ANKLE2: variants seen among roughly 807,000 people sequenced by gnomAD.
ANKLE2 encodes ankyrin repeat and LEM domain-containing protein 2.
In ANKLE2, 55 loss-of-function variants were observed where a neutral mutation model predicts 84.2. The ratio of observed to expected loss-of-function variants is 0.65; its 90% CI spans 0.53 to 0.82. ANKLE2 has a LOEUF of 0.82. ANKLE2 is among the 40% of genes least tolerant of loss of function. The probability of loss-of-function intolerance (pLI) is 0.00; values close to 1 mark genes in which losing one functional copy is unlikely to be tolerated. For synonymous variants in ANKLE2, 551 were observed against 486.1 expected (o/e 1.13, Z -1.76); for missense variants, 1,238 against 1,201.9 (o/e 1.03, Z -0.44).
At position 132,727,355 on chromosome 12, in the gene ANKLE2, C is replaced by G; in HGVS notation, c.2704G>C (p.Val902Leu). 1 of 1,561,792 alleles carries G rather than the reference C, an allele frequency of 6.4e-7. No individual in the cohort carries two copies. Among genetic ancestry groups the G allele is most frequent in the South Asian group, 1.2e-5 (1 of 84,746 alleles). ...PHSYSPGRNS[V>L]AGSNPAKPGL... The stretch of plus-strand genomic sequence containing the variant: ...GGCTTTGCGGGGTTGCTTCCAGCCA[C>G]GCTGTTTCTCCCCGGACTGTAGCTG... Residue 902 changes from valine to leucine, a missense_variant, in exon 13 of 13, where the codon GTG becomes CTG. Physicochemically the swap from Val to Leu is conservative, Grantham distance 32. This residue lies in a region of ANKLE2 where 802 missense variants were observed against 774.5 expected (regional missense o/e 1.04). Coordinates refer to ENST00000357997, the MANE Select transcript of ANKLE2 (RefSeq NM_015114.3).
At chr12:132,749,464 G>A (rs2136163905) in intron 3 of ANKLE2, among the ~76,000 whole-genome samples, 1 of 152,310 alleles carries the variant, frequency 6.6e-6, no homozygotes, top group Middle Eastern at 3.4e-3. Flanking sequence ...CCTGATTTCT[G>A]TCTTAAGGTG....
At chr12:132,729,235 C>T (rs1000121981) in intron 11 of ANKLE2, among the ~76,000 whole-genome samples, 2 of 146,998 alleles carry the variant, frequency 1.4e-5, no homozygotes, top group African/African-American at 5.1e-5. Flanking sequence ...CCTGTAATCC[C>T]AGCTACTCAG....
chr12:132,759,965 C>G (rs1404122368), intron 1 of ANKLE2: 1 of 152,060 alleles, frequency 6.6e-6, no homozygotes, highest in Non-Finnish European at 1.5e-5. Flanking sequence ...GAAACCCCGT[C>G]TCTATTAAAA....
chr12:132,739,973 C>T (rs1031296610), intron 7 of ANKLE2, among the ~76,000 whole-genome samples: 2 of 152,250 alleles, frequency 1.3e-5, no homozygotes, highest in African/African-American at 4.8e-5. Flanking sequence ...TTAGAGGCGA[C>T]AGTGTTTTAC....
intron 7 of ANKLE2, among the ~76,000 whole-genome samples, chr12:132,740,983 A>G (rs1359817358): frequency 6.6e-6 from 1 of 152,136 alleles, no homozygotes; most frequent in Non-Finnish European, 1.5e-5. Flanking sequence ...ACCCCAACAC[A>G]GGCAAAGAGA....
At position 132,743,521 on chromosome 12, in the gene ANKLE2, T is replaced by A. The variant is rs554916288; in HGVS notation, c.1231-245A>T. Among the ~76,000 whole-genome samples the A allele has an allele frequency of 4.4e-4, 67 of 151,156 alleles. No individual in the cohort carries two copies. Among genetic ancestry groups the A allele is most frequent in the African/African-American group, 1.4e-3 (56 of 41,216 alleles). Reference sequence around the variant, plus strand: ...CACCCAGCTATTTTTTTTTTTTTTTTAATATTTAGTAGAGATGGGGTTTCA... The same window carrying A: ...CACCCAGCTATTTTTTTTTTTTTTTAAATATTTAGTAGAGATGGGGTTTCA... On this transcript the variant is annotated intron_variant, in intron 5 of 12. Transcript: ENST00000357997. This position sits in a 1 kb window ranked among gnomAD's most constrained non-coding sequence, Gnocchi z 4.1.
At position 132,754,941 on chromosome 12, in the gene ANKLE2, G is replaced by C; in HGVS notation, c.374C>G (p.Ala125Gly). 1 of 1,614,210 alleles carries C rather than the reference G, an allele frequency of 6.2e-7. No individual in the cohort carries two copies. Among genetic ancestry groups the C allele is most frequent in the Non-Finnish European group, 8.5e-7 (1 of 1,180,044 alleles). The part of the protein sequence containing the change: ...GRLSSFYHHE[A>G]GVTALSQDPQ... ...GTCCTGGCTGAGAGCTGTGACACCT[G>C]CCTCATGGTGGTAGAAAGAAGACAG... Residue 125 changes from alanine (A) to glycine (G), a missense_variant, in exon 2 of 13, where the codon GCA (alanine) becomes GGA (glycine). Around this residue, in one of 3 missense-constraint regions of ANKLE2, gnomAD observed 422 missense variants for 394.5 expected, o/e 1.07. Transcript: ENST00000357997.
In ANKLE2 at chr12:132,730,242, A is replaced by G. The variant is rs1337324731; in HGVS notation, c.1920T>C (p.Phe640=). 4 of 1,573,600 alleles carry G rather than the reference A, an allele frequency of 2.5e-6. No individual in the cohort carries two copies. Among genetic ancestry groups the G allele is most frequent in the South Asian group, 1.2e-5 (1 of 86,658 alleles). ...SGSNSISVRA[F]LDEDDMSLEE... ...CCAAGCTCATGTCATCTTCATCTAG[A>G]AACGCCCTCACGGAAATGGAATTGC... Residue 640 remains phenylalanine (F), a synonymous_variant, in exon 11 of 13, where the codon TTT becomes TTC. Coordinates refer to ENST00000357997, the MANE Select transcript of ANKLE2 (RefSeq NM_015114.3).
chr12:132,727,317 A>C lies in ANKLE2; in HGVS notation c.2742T>G (p.Ser914Arg), dbSNP rs1194179492. 1 of 1,563,692 alleles carries C rather than the reference A, an allele frequency of 6.4e-7. No individual in the cohort carries two copies. Among genetic ancestry groups the C allele is most frequent in the Non-Finnish European group, 8.7e-7 (1 of 1,154,572 alleles). The change falls in exon 13 of 13, where the codon AGT (serine) becomes AGG (arginine). Residue 914 changes from serine (S) to arginine (R), a missense_variant. Ser to Arg is a moderately radical substitution (Grantham distance 110). Around this residue, in one of 3 missense-constraint regions of ANKLE2, gnomAD observed 802 missense variants for 774.5 expected, o/e 1.04. Coordinates refer to ENST00000357997, the MANE Select transcript of ANKLE2 (RefSeq NM_015114.3). ...CGTGCACGGGGCTGTAGCGCCCAGG[A>C]CTGCCCAGGCCTGGCTTTGCGGGGT... Reference protein sequence around the residue: ...GSNPAKPGLGSPGRYSPVHGS... With the variant: ...GSNPAKPGLGRPGRYSPVHGS...
intron 1 of ANKLE2, chr12:132,760,584 C>T (rs2044605447): frequency 6.6e-6 from 1 of 152,226 alleles, no homozygotes; most frequent in Non-Finnish European, 1.5e-5. Flanking sequence ...AACTCACAGA[C>T]ATGTTTTACT....
At chr12:132,745,670 C>G (rs771111243) in intron 5 of ANKLE2, 2 of 172,356 alleles carry the variant, frequency 1.2e-5, no homozygotes, top group Admixed American at 1.2e-4. Flanking sequence ...AGTCTAAGGT[C>G]GTGGGTGACA....
At position 132,729,212 on chromosome 12, in the gene ANKLE2, G is replaced by A. The variant is rs989569882; in HGVS notation, c.2483+467C>T. Among the ~76,000 whole-genome samples the A allele has an allele frequency of 1.8e-4, 27 of 148,248 alleles. No individual in the cohort carries two copies. In the South Asian group the frequency reaches 3.1e-3, roughly 17 times the overall value. ...CTAAAAATACAAAAATCAGCTAGAC[G>A]TGGTGGCAGGCGCCTGTAATCCCAG... On this transcript the variant is annotated intron_variant, in intron 11 of 12. Transcript: ENST00000357997.
chr12:132,727,014 T>G lies in ANKLE2; in HGVS notation c.*228A>C, dbSNP rs2043712659. On this transcript the variant is annotated 3_prime_UTR_variant, in exon 13 of 13. Coordinates refer to ENST00000357997, the MANE Select transcript of ANKLE2 (RefSeq NM_015114.3). ...AAGTCTACCATTACCACATGGATAT[T>G]TTCCAGAAAATTGGTAACTGAGTTT... The G allele has an allele frequency of 1.8e-6, 1 of 561,188 alleles. No individual in the cohort carries two copies. The highest frequency in any genetic ancestry group is 3.0e-6 in the Non-Finnish European group (1 of 333,504). The allele number at this position is 561,188 out of a possible 1,614,324, so 34.8% of individuals were successfully genotyped here.
chr12:132,738,408 G>A (rs1378989032), intron 7 of ANKLE2: 2 of 152,162 alleles, frequency 1.3e-5, no homozygotes, highest in Non-Finnish European at 1.5e-5. Flanking sequence ...ACACCACCTC[G>A]TCCTGCTTTC....
At chr12:132,740,705 A>G (rs1355734063) in intron 7 of ANKLE2, among the ~76,000 whole-genome samples, 1 of 152,154 alleles carries the variant, frequency 6.6e-6, no homozygotes, top group East Asian at 1.9e-4. Context: ...ATGGCAGGGA[A>G]AAGCCATCCC....
intron 1 of ANKLE2, chr12:132,760,665 G>T (rs937635868): frequency 6.6e-6 from 1 of 152,306 alleles, no homozygotes; most frequent in African/African-American, 2.4e-5. Context: ...AAAACCGGGG[G>T]GAAGCGCTTG....
intron 2 of ANKLE2, among the ~76,000 whole-genome samples, chr12:132,751,506 G>A (rs1332346083): frequency 6.6e-6 from 1 of 152,024 alleles, no homozygotes; most frequent in Non-Finnish European, 1.5e-5. Flanking sequence ...CTCCCAGAGT[G>A]CTGGGATTAC....
intron 10 of ANKLE2, 21 bp downstream of exon 10, chr12:132,734,364 G>A: frequency 6.2e-7 from 1 of 1,610,492 alleles, no homozygotes; most frequent in East Asian, 2.2e-5. Flanking sequence ...AGCTGCCACA[G>A]CCACGCCTGC....
In ANKLE2 at chr12:132,761,663, C is replaced by T. The variant is rs1593192749; in HGVS notation, c.136G>A (p.Gly46Arg). Residue 46 changes from glycine (G) to arginine (R), a missense_variant, in exon 1 of 13, where the codon GGG (glycine) becomes AGG (arginine). Around this residue, in one of 3 missense-constraint regions of ANKLE2, gnomAD observed 422 missense variants for 394.5 expected, o/e 1.07. Coordinates refer to ENST00000357997, the MANE Select transcript of ANKLE2 (RefSeq NM_015114.3). ...GCGCTTGGCGGAGGAACTGGGGTCC[C>T]GCTGCGGCCCAGACCTCCCGGCCGC... Reference protein sequence around the residue: ...GPRPGGLGRSGTPVPPPSAAA... With the variant: ...GPRPGGLGRSRTPVPPPSAAA... The T allele has an allele frequency of 7.7e-7, 1 of 1,302,284 alleles. No individual in the cohort carries two copies. The highest frequency in any genetic ancestry group is 3.2e-5 in the East Asian group (1 of 31,258). The allele number at this position is 1,302,284 out of a possible 1,614,324, so 80.7% of individuals were successfully genotyped here.
Sources: allele counts gnomAD v4.1 joint callset (sites outside exome capture counted in the v4.1 genomes callset), GRCh38; gene constraint gnomAD v4.1.1; regional missense constraint gnomAD v4.1.1; non-coding constraint Gnocchi (gnomAD v3.1); transcripts MANE v1.5; gene names NCBI Gene and HGNC (gene_info 2026-07-23, HGNC 2026-07-21).